PRDM16: variants seen among roughly 807,000 people sequenced by gnomAD.
PRDM16 encodes histone-lysine N-methyltransferase PRDM16.
In PRDM16, 23 loss-of-function variants were observed where a neutral mutation model predicts 110.6. That is an observed-to-expected ratio of 0.21 (90% CI 0.15 to 0.29). The LOEUF (loss-of-function observed/expected upper bound fraction) is 0.29, where lower values mean the gene tolerates loss of function less well. Ranked by LOEUF, PRDM16 falls within the 10% of genes least tolerant of loss-of-function variation. PRDM16 has a pLI of 1.00. For missense variants in PRDM16, 1,615 were observed against 1,794.3 expected, an observed-to-expected ratio of 0.90 and a Z score of 1.81; for synonymous variants, 799 against 781.8, an observed-to-expected ratio of 1.02 and a Z score of -0.37.
chr1:3,097,813 C>T (rs1405097774), intron 1 of PRDM16, among the ~76,000 whole-genome samples: 1 of 152,118 alleles, frequency 6.6e-6, no homozygotes, highest in African/African-American at 2.4e-5. Flanking sequence ...GTAGAGAGAT[C>T]CCAGGGGGGC....
In PRDM16 at chr1:3,437,676, C is replaced by T. The variant is rs1162238382; in HGVS notation, c.*3865C>T. 2 of 226,156 alleles carry T rather than the reference C, an allele frequency of 8.8e-6. No individual in the cohort carries two copies. The highest frequency in any genetic ancestry group is 1.8e-5 in the Non-Finnish European group (2 of 113,758). The allele number at this position is 226,156 out of a possible 1,614,324, so 14.0% of individuals were successfully genotyped here. ...TCCTTGCATTCTTCCTAGAAGAGTTCCTCTGCTCCTTCCATTCCATTTTTG... is the reference window on the plus strand; with the variant it reads ...TCCTTGCATTCTTCCTAGAAGAGTTTCTCTGCTCCTTCCATTCCATTTTTG... On this transcript the variant is annotated 3_prime_UTR_variant, in exon 17 of 17. Transcript: ENST00000270722.
At chr1:3,257,788 C>T (rs1461083681) in intron 3 of PRDM16, among the ~76,000 whole-genome samples, 5 of 152,182 alleles carry the variant, frequency 3.3e-5, no homozygotes, top group Non-Finnish European at 7.4e-5. Flanking sequence ...ACCAACCACA[C>T]ATCGGAGCCC....
At position 3,212,442 on chromosome 1, in the gene PRDM16, G is replaced by A. The variant is rs745380842; in HGVS notation, c.387+25968G>A. 4.6e-5 allele frequency among the ~76,000 whole-genome samples: 7 copies of A among 152,196 alleles called. No individual in the cohort carries two copies. In the East Asian group the frequency reaches 1.2e-3, roughly 25 times the overall value. On this transcript the variant is annotated intron_variant, in intron 2 of 16. Transcript: ENST00000270722. ...TGGGAGTCCAGGCCTGGAGCCGGCCGGACGCTGGCCTGCAGTAGGGACAGC... is the reference window on the plus strand; with the variant it reads ...TGGGAGTCCAGGCCTGGAGCCGGCCAGACGCTGGCCTGCAGTAGGGACAGC...
At position 3,411,777 on chromosome 1, in the gene PRDM16, C is replaced by T. The variant is rs1438359202; in HGVS notation, c.1580C>T (p.Pro527Leu). The change falls in exon 9 of 17, where the codon CCT becomes CTT. Residue 527 changes from proline to leucine, a missense_variant. Pro to Leu is a moderately conservative substitution (Grantham distance 98). Coordinates refer to ENST00000270722, the MANE Select transcript of PRDM16 (RefSeq NM_022114.4). The part of the protein sequence containing the change: ...IFPPSLYPRP[P>L]LLPPTSLLKS... ...CCTCCATCCTTGTACCCCCGGCCGC[C>T]TCTGCTACCTCCCACATCGCTGCTC... The T allele has an allele frequency of 1.2e-6, 2 of 1,612,032 alleles. No individual in the cohort carries two copies. Among genetic ancestry groups the T allele is most frequent in the African/African-American group, 1.3e-5 (1 of 75,028 alleles).
Position 3,265,656 on chromosome 1 carries a change from C to T in PRDM16, c.438+21519C>T, listed in dbSNP as rs1557567295. 6.6e-6 allele frequency among the ~76,000 whole-genome samples: 1 copy of T among 152,042 alleles called. No homozygotes were observed. On this transcript the variant is annotated intron_variant, in intron 3 of 16. Transcript: ENST00000270722. This position sits in a 1 kb window ranked among gnomAD's most constrained non-coding sequence, Gnocchi z 4.5. The stretch of plus-strand genomic sequence containing the variant: ...GAGCTCCTAAAATTGCAGCCAAGGC[C>T]AGCCCTCTTGCCCCGGGGCTGCCTG...
At chr1:3,317,215 G>A (rs1340448785) in intron 3 of PRDM16, among the ~76,000 whole-genome samples, 1 of 152,152 alleles carries the variant, frequency 6.6e-6, no homozygotes, top group Non-Finnish European at 1.5e-5. Flanking sequence ...TTGGTACGAG[G>A]GATGTTTGCA....
At chr1:3,183,128 C>T (rs1301940369) in intron 1 of PRDM16, among the ~76,000 whole-genome samples, 1 of 152,248 alleles carries the variant, frequency 6.6e-6, no homozygotes, top group African/African-American at 2.4e-5. Flanking sequence ...TGCACACTGA[C>T]CTGTGAGAGA....
At chr1:3,161,367 C>A (rs1046247354) in intron 1 of PRDM16, among the ~76,000 whole-genome samples, 1 of 152,206 alleles carries the variant, frequency 6.6e-6, no homozygotes, top group African/African-American at 2.4e-5. Context: ...AAGTACAAAC[C>A]GAGGTGGTTT....
chr1:3,244,235 G>A lies in PRDM16; in HGVS notation c.438+98G>A. 8.8e-7 allele frequency: 1 copy of A among 1,141,436 alleles called. No individual in the cohort carries two copies. The highest frequency in any genetic ancestry group is 1.2e-5 in the South Asian group (1 of 80,434). 70.7% of individuals were successfully genotyped at this position (1,141,436 alleles called of 1,614,324 possible). A position where few individuals can be genotyped will look rare whatever the true frequency, so the allele number is the denominator to read the frequency against. On this transcript the variant is annotated intron_variant, in intron 3 of 16. Coordinates refer to ENST00000270722, the MANE Select transcript of PRDM16 (RefSeq NM_022114.4). This position sits in a 1 kb window ranked among gnomAD's most constrained non-coding sequence, Gnocchi z 4.1. ...CAGCTGTCCCTGAGCTAACAAGCGT[G>A]TAGTCGGAATGTTGCTGGCAGGCCC... is the stretch of plus-strand genomic sequence containing the variant.
intron 3 of PRDM16, among the ~76,000 whole-genome samples, chr1:3,368,779 C>T (rs1021060756): frequency 6.6e-6 from 1 of 152,278 alleles, no homozygotes; most frequent in East Asian, 1.9e-4. Context: ...TCTGCAGCTC[C>T]CTCCAGGGAG....
rs538282257 is a variant in PRDM16, at chr1:3,081,566, C to G, written c.37+12270C>G. On this transcript the variant is annotated intron_variant, in intron 1 of 16. Coordinates refer to ENST00000270722, the MANE Select transcript of PRDM16 (RefSeq NM_022114.4). The surrounding 1 kb of genome is among the most constrained non-coding windows in gnomAD (Gnocchi z 4.6). ...GAGTATAGGCTACTGCTTGGCATCA[C>G]CTACAGGGATGGCGGCGGCCAGGGT... 6.6e-6 allele frequency among the ~76,000 whole-genome samples: 1 copy of G among 152,346 alleles called. No individual in the cohort carries two copies. Among genetic ancestry groups the G allele is most frequent in the Non-Finnish European group, 1.5e-5 (1 of 68,036 alleles).
chr1:3,417,848 G>A lies in PRDM16; in HGVS notation c.2712G>A (p.Met904Ile), dbSNP rs765834094. The A allele has an allele frequency of 1.9e-6, 3 of 1,613,896 alleles. No individual in the cohort carries two copies. The highest frequency in any genetic ancestry group is 1.3e-5 in the African/African-American group (1 of 75,070). The change falls in exon 11 of 17, where the codon ATG becomes ATA. Residue 904 changes from methionine (M) to isoleucine (I), a missense_variant. Around this residue, in one of 5 missense-constraint regions of PRDM16, gnomAD observed 772 missense variants for 748.3 expected, o/e 1.03. Coordinates refer to ENST00000270722, the MANE Select transcript of PRDM16 (RefSeq NM_022114.4). ...FHPQMSAIET[M>I]TEKLESFAAM... The stretch of plus-strand genomic sequence containing the variant: ...TACAGATGTCAGCCATAGAGACCAT[G>A]ACAGAGAAGCTGGAGAGCTTTGCAG...
At position 3,382,963 on chromosome 1, in the gene PRDM16, T is replaced by C. The variant is rs891666494; in HGVS notation, c.439-2189T>C. 3.5e-4 allele frequency among the ~76,000 whole-genome samples: 53 copies of C among 152,060 alleles called. No homozygotes were observed. Among genetic ancestry groups the C allele is most frequent in the African/African-American group, 1.3e-3 (52 of 41,396 alleles). On this transcript the variant is annotated intron_variant, in intron 3 of 16. Coordinates refer to ENST00000270722, the MANE Select transcript of PRDM16 (RefSeq NM_022114.4). This position sits in a 1 kb window ranked among gnomAD's most constrained non-coding sequence, Gnocchi z 6.6. ...TACTCCATCGTTTGTATATTGAGCATCCCCCCGCCGCCAATGTTTTCCTCG... is the reference window on the plus strand; with the variant it reads ...TACTCCATCGTTTGTATATTGAGCACCCCCCCGCCGCCAATGTTTTCCTCG...
chr1:3,131,448 A>G (rs1643333522), intron 1 of PRDM16, among the ~76,000 whole-genome samples: 1 of 152,252 alleles, frequency 6.6e-6, no homozygotes, highest in African/African-American at 2.4e-5. Flanking sequence ...TTTCGCTCAC[A>G]TTTTGTAGTT....
rs1264841013 is a variant in PRDM16, at chr1:3,201,307, T to C, written c.387+14833T>C. Among the ~76,000 whole-genome samples the C allele has an allele frequency of 6.6e-6, 1 of 152,190 alleles. No homozygotes were observed. The highest frequency in any genetic ancestry group is 1.9e-4 in the East Asian group (1 of 5,192). On this transcript the variant is annotated intron_variant, in intron 2 of 16. Coordinates refer to ENST00000270722, the MANE Select transcript of PRDM16 (RefSeq NM_022114.4). This position sits in a 1 kb window ranked among gnomAD's most constrained non-coding sequence, Gnocchi z 4.1. ...CTTTGTCATGGGATTTAAAATTACT[T>C]CAATTGCACTGACTTGAAGCTCGCA...
At chr1:3,355,336 A>T (rs1642573490) in intron 3 of PRDM16, among the ~76,000 whole-genome samples, 1 of 152,004 alleles carries the variant, frequency 6.6e-6, no homozygotes, top group South Asian at 2.1e-4. Flanking sequence ...CCCACCCACC[A>T]TCTGACCTCA....
In PRDM16 at chr1:3,411,884, A is replaced by G; in HGVS notation, c.1687A>G (p.Ser563Gly). Residue 563 changes from serine to glycine, a missense_variant, in exon 9 of 17, where the codon AGC (serine) becomes GGC (glycine). Physicochemically the swap from Ser to Gly is moderately conservative, Grantham distance 56. This residue lies in a region of PRDM16 where 772 missense variants were observed against 748.3 expected (regional missense o/e 1.03). Coordinates refer to ENST00000270722, the MANE Select transcript of PRDM16 (RefSeq NM_022114.4). ...NPALPLVSAV[S>G]NSSQGTTAAA... is the part of the protein sequence containing the mutation. ...AGCCCTGCCCCTGGTCTCCGCCGTC[A>G]GCAACAGCAGCCAGGGCACGACGGC... 1 of 1,613,270 alleles carries G rather than the reference A, an allele frequency of 6.2e-7. No homozygotes were observed.
At chr1:3,395,790 G>A (rs908147454) in intron 4 of PRDM16, among the ~76,000 whole-genome samples, 1 of 152,214 alleles carries the variant, frequency 6.6e-6, no homozygotes, top group African/African-American at 2.4e-5. Flanking sequence ...GCCCCCAACA[G>A]CACTGCTCAG....
chr1:3,203,322 C>T (rs923828274), intron 2 of PRDM16, among the ~76,000 whole-genome samples: 4 of 152,302 alleles, frequency 2.6e-5, no homozygotes, highest in Non-Finnish European at 2.9e-5. Context: ...CCCACACAAC[C>T]GTTGAGTTCT....
Sources: gnomAD v4.1 joint callset for allele counts (sites outside exome capture counted in the v4.1 genomes callset) on GRCh38, gnomAD v4.1.1 for gene constraint, gnomAD v4.1.1 regional missense constraint, Gnocchi (gnomAD v3.1) non-coding constraint, MANE v1.5 for transcripts, NCBI Gene and HGNC (gene_info 2026-07-23, HGNC 2026-07-21) for gene names.